Variants in FILIP1L observed in about 807,000 individuals in gnomAD.
FILIP1L encodes filamin A-interacting protein 1-like.
Under a neutral mutation model 96.6 loss-of-function variants are expected in FILIP1L, and 55 were observed. The observed-to-expected ratio is 0.57, with a 90% CI of 0.46 to 0.71. FILIP1L has a LOEUF of 0.71. Among genes scored for constraint, FILIP1L ranks in the 30% least tolerant of loss-of-function variants. The pLI, the probability that FILIP1L is intolerant of heterozygous loss-of-function variation, is 0.00. For missense variants in FILIP1L, 1,304 were observed against 1,321.2 expected, an observed-to-expected ratio of 0.99 and a Z score of 0.20; for synonymous variants, 467 against 473.9, an observed-to-expected ratio of 0.99 and a Z score of 0.19.
At chr3:100,086,595 C>T (rs907517518) in intron 1 of FILIP1L, among the ~76,000 whole-genome samples, 2 of 152,170 alleles carry the variant, frequency 1.3e-5, no homozygotes, top group Admixed American at 6.5e-5. Flanking sequence ...ACCAGGCTAA[C>T]GTCCAAAATA....
chr3:99,832,560 A>ATG, intron 5 of FILIP1L, among the ~76,000 whole-genome samples: 1 of 120,818 alleles, frequency 8.3e-6, no homozygotes, highest in African/African-American at 3.3e-5. Flanking sequence ...AAAAAAAAAA[A>ATG]GGCCTAGCGC....
At position 99,930,711 on chromosome 3, in the gene FILIP1L, A is replaced by G; in HGVS notation, c.252+58T>C. On this transcript the variant is annotated intron_variant, in intron 2 of 5. Coordinates refer to ENST00000477258, the MANE Select transcript of FILIP1L (RefSeq NM_001387850.1). ...CTATTTCTGTGGCAGCAGGAACACC[A>G]AATTCACAAGCAGCCTTCTGTTTGA... 11 of 1,588,152 alleles carry G rather than the reference A, an allele frequency of 6.9e-6. No individual in the cohort carries two copies. In the South Asian group the frequency reaches 1.1e-4, roughly 16 times the overall value.
chr3:100,087,020 G>C (rs894080273), intron 1 of FILIP1L, among the ~76,000 whole-genome samples: 1 of 152,184 alleles, frequency 6.6e-6, no homozygotes, highest in Non-Finnish European at 1.5e-5. Context: ...AAATTGTCAT[G>C]TGTACCAACA....
At chr3:99,867,961 A>G (rs760649536) in intron 4 of FILIP1L, among the ~76,000 whole-genome samples, 2 of 152,222 alleles carry the variant, frequency 1.3e-5, no homozygotes, top group Non-Finnish European at 2.9e-5. Flanking sequence ...ATTAACACCT[A>G]GGCAAAAAGT....
chr3:100,067,032 GTAT>G (rs2065678008), intron 1 of FILIP1L, among the ~76,000 whole-genome samples: 1 of 152,164 alleles, frequency 6.6e-6, no homozygotes, highest in Non-Finnish European at 1.5e-5. Context: ...AGTGTGCTTT[GTAT>G]TCAGAAGGGC....
At chr3:99,915,795 GC>G (rs1254985101) in intron 4 of FILIP1L, among the ~76,000 whole-genome samples, 1 of 152,084 alleles carries the variant, frequency 6.6e-6, no homozygotes, top group Non-Finnish European at 1.5e-5. Context: ...GTTGTCATTA[GC>G]CTGCAACTTT....
chr3:99,871,945 T>TAA (rs1944808351), intron 4 of FILIP1L, among the ~76,000 whole-genome samples: 1 of 152,220 alleles, frequency 6.6e-6, no homozygotes, highest in Non-Finnish European at 1.5e-5. Context: ...CCTTATCCTT[T>TAA]GCTTTTTTAT....
At chr3:99,965,707 A>G (rs1052671272) in intron 1 of FILIP1L, among the ~76,000 whole-genome samples, 1 of 152,208 alleles carries the variant, frequency 6.6e-6, no homozygotes, top group Non-Finnish European at 1.5e-5. Context: ...ATCCTGTGGA[A>G]CATGGGCTTA....
At chr3:99,876,191 C>T in intron 4 of FILIP1L, 2 of 985,432 alleles carry the variant, frequency 2.0e-6, no homozygotes, top group Non-Finnish European at 2.4e-6. Context: ...GCGCTGAGCG[C>T]GCCCGGCCTA....
intron 1 of FILIP1L, among the ~76,000 whole-genome samples, chr3:100,038,016 A>G (rs2065140274): frequency 6.8e-6 from 1 of 147,190 alleles, no homozygotes; most frequent in Non-Finnish European, 1.5e-5. Context: ...GTGCAGTGGC[A>G]CAATCTCGGC....
intron 1 of FILIP1L, among the ~76,000 whole-genome samples, chr3:99,985,620 G>A (rs1047279263): frequency 1.3e-5 from 2 of 150,022 alleles, no homozygotes; most frequent in Admixed American, 6.7e-5. Context: ...ATAGAGTCTC[G>A]CTCTGTTGCC....
At position 100,050,498 on chromosome 3, in the gene FILIP1L, A is replaced by C. The variant is rs115052516; in HGVS notation, c.-11+63555T>G. 3.1e-3 allele frequency among the ~76,000 whole-genome samples: 470 copies of C among 152,238 alleles called. 4 individuals carry two copies. Among genetic ancestry groups the C allele is most frequent in the African/African-American group, 0.011 (444 of 41,542 alleles). On this transcript the variant is annotated intron_variant, in intron 1 of 5. Transcript: ENST00000477258. ...AGTCATTTTCTGTTTTTTTAGAGGC[A>C]TCTCTGTAAATTCCCACAATTTGTT...
intron 4 of FILIP1L, among the ~76,000 whole-genome samples, chr3:99,882,811 A>G (rs1051818359): frequency 1.3e-5 from 2 of 152,252 alleles, no homozygotes; most frequent in Admixed American, 6.5e-5. Context: ...TGGAACATTA[A>G]TGAGCTAGTT....
At chr3:99,952,639 CAGAG>C (rs1443649157) in intron 1 of FILIP1L, among the ~76,000 whole-genome samples, 1 of 152,138 alleles carries the variant, frequency 6.6e-6, no homozygotes, top group Non-Finnish European at 1.5e-5. Flanking sequence ...CACATACACA[CAGAG>C]AGAAAGAGAG....
At chr3:100,106,564 T>C (rs1405358767) in intron 1 of FILIP1L, among the ~76,000 whole-genome samples, 1 of 152,176 alleles carries the variant, frequency 6.6e-6, no homozygotes, top group Non-Finnish European at 1.5e-5. Flanking sequence ...GAGAATGATT[T>C]CTTAGTTGAA....
intron 1 of FILIP1L, among the ~76,000 whole-genome samples, chr3:100,033,143 G>T (rs1365396257): frequency 2.0e-5 from 3 of 151,856 alleles, no homozygotes; most frequent in South Asian, 2.1e-4. Context: ...ATTTTACTCT[G>T]TGGTTACTGT....
At chr3:100,109,184 T>G (rs2066444690) in intron 1 of FILIP1L, among the ~76,000 whole-genome samples, 1 of 152,116 alleles carries the variant, frequency 6.6e-6, no homozygotes, top group Non-Finnish European at 1.5e-5. Flanking sequence ...AATCATTTTT[T>G]AAGGGTTCTT....
chr3:99,973,417 CATCAA>C (rs1385340529), intron 1 of FILIP1L, among the ~76,000 whole-genome samples: 9 of 152,170 alleles, frequency 5.9e-5, no homozygotes, highest in Admixed American at 3.9e-4. Flanking sequence ...CTCTTCTAAA[CATCAA>C]ACCACATATT....
intron 1 of FILIP1L, among the ~76,000 whole-genome samples, chr3:100,048,087 C>T (rs962197088): frequency 1.3e-5 from 2 of 152,180 alleles, no homozygotes; most frequent in African/African-American, 4.8e-5. Context: ...GGCCAAACAG[C>T]CACAATCCAA....
Sources: gnomAD v4.1 joint callset for allele counts (sites outside exome capture counted in the v4.1 genomes callset) on GRCh38, gnomAD v4.1.1 for gene constraint, MANE v1.5 for transcripts, NCBI Gene and HGNC (gene_info 2026-07-23, HGNC 2026-07-21) for gene names.